The following ZDHHC21 variants were observed in gnomAD, a reference collection of about 807,000 sequenced individuals.
The protein encoded by ZDHHC21 is zDHHC palmitoyltransferase 21, also known as palmitoyltransferase ZDHHC21.
ZDHHC21 carries 15 observed loss-of-function variants against 34.6 expected under a neutral mutation model. The ratio of observed to expected loss-of-function variants is 0.43; its 90% CI spans 0.29 to 0.67. ZDHHC21 has a LOEUF of 0.67. Among genes scored for constraint, ZDHHC21 ranks in the 30% least tolerant of loss-of-function variants. The probability of loss-of-function intolerance (pLI) is 0.14; values close to 1 mark genes in which losing one functional copy is unlikely to be tolerated. For missense variants in ZDHHC21, 344 were observed against 327.7 expected, an observed-to-expected ratio of 1.05 and a Z score of -0.38; for synonymous variants, 142 against 101.8, an observed-to-expected ratio of 1.40 and a Z score of -2.38.
chr9:14,627,192 G>C (rs1055237926), intron 8 of ZDHHC21, among the ~76,000 whole-genome samples: 1 of 152,092 alleles, frequency 6.6e-6, no homozygotes, highest in Non-Finnish European at 1.5e-5. Flanking sequence ...CAAGTAAATC[G>C]ACTGATTCGT....
chr9:14,645,711 TA>T (rs1437749538), intron 7 of ZDHHC21, among the ~76,000 whole-genome samples: 3 of 151,992 alleles, frequency 2.0e-5, no homozygotes, highest in Non-Finnish European at 2.9e-5. Flanking sequence ...AGGACTAATC[TA>T]AAACGCCCTA....
At chr9:14,657,562 C>G (rs1832469768) in intron 7 of ZDHHC21, among the ~76,000 whole-genome samples, 4 of 152,130 alleles carry the variant, frequency 2.6e-5, no homozygotes, top group Admixed American at 2.6e-4. Context: ...ACCATACAGT[C>G]TCTGCCACAA....
chr9:14,621,386 T>TA (rs961917439), intron 8 of ZDHHC21, among the ~76,000 whole-genome samples: 2 of 152,064 alleles, frequency 1.3e-5, no homozygotes, highest in African/African-American at 2.4e-5. Context: ...TTTGTGGCAT[T>TA]AAAAAAATCA....
chr9:14,646,120 T>C, intron 7 of ZDHHC21, among the ~76,000 whole-genome samples: 1 of 152,142 alleles, frequency 6.6e-6, no homozygotes, highest in East Asian at 1.9e-4. Context: ...TAGCATTATT[T>C]ATAACCTCCA....
chr9:14,623,898 C>A (rs553545752), intron 8 of ZDHHC21, among the ~76,000 whole-genome samples: 8 of 151,930 alleles, frequency 5.3e-5, no homozygotes, highest in African/African-American at 1.7e-4. Context: ...TGGGGAAGAA[C>A]CTTTACTCTT....
chr9:14,642,780 T>G (rs1829599232), intron 7 of ZDHHC21, among the ~76,000 whole-genome samples: 1 of 152,230 alleles, frequency 6.6e-6, no homozygotes, highest in Admixed American at 6.5e-5. Context: ...AAAATGAATT[T>G]CTGTTGTTTA....
downstream of ZDHHC21, among the ~76,000 whole-genome samples, chr9:14,609,780 G>T (rs1023194104): frequency 5.3e-5 from 8 of 151,980 alleles, no homozygotes; most frequent in African/African-American, 1.9e-4. Context: ...ACTCCACATT[G>T]GAACTAACTA....
the ZDHHC21 span, among the ~76,000 whole-genome samples, chr9:14,597,530 G>A: frequency 0.02 from 3,020 of 152,196 alleles, 33 homozygotes; most frequent in Non-Finnish European, 0.033. Flanking sequence ...CAGAGTCACC[G>A]CACACCTGCA....
At chr9:14,677,970 C>T (rs1037101668) in intron 3 of ZDHHC21, among the ~76,000 whole-genome samples, 3 of 152,048 alleles carry the variant, frequency 2.0e-5, no homozygotes, top group Non-Finnish European at 2.9e-5. Flanking sequence ...TATCCGAACA[C>T]GTATGTCTAT....
chr9:14,608,462 C>A (rs1385724502), downstream of ZDHHC21, among the ~76,000 whole-genome samples: 1 of 152,066 alleles, frequency 6.6e-6, no homozygotes, highest in Non-Finnish European at 1.5e-5. Context: ...TTGTATATTC[C>A]AAGTTCCTAA....
intron 5 of ZDHHC21, among the ~76,000 whole-genome samples, chr9:14,666,427 T>A (rs1834452787): frequency 9.4e-6 from 1 of 106,212 alleles, no homozygotes; most frequent in Non-Finnish European, 2.1e-5. Context: ...ACTGTCAACA[T>A]TAGACAGATC....
intron 8 of ZDHHC21, among the ~76,000 whole-genome samples, chr9:14,626,569 A>C (rs2133520938): frequency 6.6e-6 from 1 of 152,082 alleles, no homozygotes; most frequent in East Asian, 1.9e-4. Flanking sequence ...CAATATAAAT[A>C]TGCTTTTACA....
intron 7 of ZDHHC21, among the ~76,000 whole-genome samples, chr9:14,644,148 A>G (rs182585341): frequency 3.1e-4 from 47 of 152,268 alleles, no homozygotes; most frequent in African/African-American, 1.1e-3. Context: ...TTTTGATTCT[A>G]TTATAAATGG....
intron 7 of ZDHHC21, among the ~76,000 whole-genome samples, chr9:14,642,240 C>G (rs1437910102): frequency 6.6e-6 from 1 of 152,104 alleles, no homozygotes; most frequent in Non-Finnish European, 1.5e-5. Flanking sequence ...CAACTGTATT[C>G]CAAGTTCACA....
chr9:14,625,371 G>A (rs1331534987), intron 8 of ZDHHC21, among the ~76,000 whole-genome samples: 3 of 151,812 alleles, frequency 2.0e-5, no homozygotes, highest in Admixed American at 6.6e-5. Flanking sequence ...CATAAACATC[G>A]AATCAATCAT....
At chr9:14,639,499 G>A (rs985192598) in intron 8 of ZDHHC21, among the ~76,000 whole-genome samples, 3 of 151,984 alleles carry the variant, frequency 2.0e-5, no homozygotes, top group African/African-American at 7.3e-5. Context: ...TAGCACAGAG[G>A]ACTTGAAATG....
Position 14,615,087 on chromosome 9 carries a change from C to T in ZDHHC21, c.*3879G>A, listed in dbSNP as rs368053241. The T allele has an allele frequency of 1.3e-5, 2 of 151,598 alleles. No individual in the cohort carries two copies. The highest frequency in any genetic ancestry group is 3.0e-5 in the Non-Finnish European group (2 of 67,676). The allele number at this position is 151,598 out of a possible 1,614,324, so 9.4% of individuals were successfully genotyped here. ...AGCTTGGTACATTGTGATTTTATAG[C>T]AATACATGTGAAAACACTCAAACTA... On this transcript the variant is annotated 3_prime_UTR_variant, in exon 10 of 10. Transcript: ENST00000380916.
chr9:14,633,457 C>T (rs1564236128), intron 8 of ZDHHC21, among the ~76,000 whole-genome samples: 1 of 152,140 alleles, frequency 6.6e-6, no homozygotes, highest in Non-Finnish European at 1.5e-5. Flanking sequence ...CTGGAGAATA[C>T]ATGAAGGTAC....
intron 8 of ZDHHC21, among the ~76,000 whole-genome samples, chr9:14,622,974 T>C (rs184105882): frequency 1.1e-3 from 167 of 152,246 alleles, no homozygotes; most frequent in Admixed American, 2.8e-3. Context: ...AATGACTCTA[T>C]GGTGATTTAA....
Sources: gnomAD v4.1 joint callset for allele counts (sites outside exome capture counted in the v4.1 genomes callset) on GRCh38, gnomAD v4.1.1 for gene constraint, MANE v1.5 for transcripts, NCBI Gene and HGNC (gene_info 2026-07-23, HGNC 2026-07-21) for gene names.